Variants in RNF25 observed in about 807,000 individuals in gnomAD.
The protein encoded by RNF25 is E3 ubiquitin-protein ligase RNF25.
In RNF25, 32 loss-of-function variants were observed where a neutral mutation model predicts 65.0. That is an observed-to-expected ratio of 0.49 (90% CI 0.37 to 0.66). The LOEUF (loss-of-function observed/expected upper bound fraction) is 0.66. Among genes scored for constraint, RNF25 ranks in the 30% least tolerant of loss-of-function variants. RNF25 has a pLI of 0.00. For missense variants in RNF25, 493 were observed against 584.8 expected (o/e 0.84, Z 1.62); for synonymous variants, 207 against 221.2 (o/e 0.94, Z 0.57).
chr2:218,670,639 T>C (rs1276466748), intron 1 of RNF25, among the ~76,000 whole-genome samples: 1 of 131,004 alleles, frequency 7.6e-6, no homozygotes, highest in East Asian at 2.2e-4. Flanking sequence ...GAGCTTGCAG[T>C]GAACCGAGAT....
chr2:218,666,586 T>C (rs1939829876), intron 5 of RNF25, among the ~76,000 whole-genome samples: 1 of 152,222 alleles, frequency 6.6e-6, no homozygotes. Flanking sequence ...CCCCCTTCAA[T>C]ATCACTCCCC....
intron 1 of RNF25, among the ~76,000 whole-genome samples, chr2:218,669,966 G>A (rs1939910051): frequency 1.3e-5 from 2 of 151,954 alleles, no homozygotes; most frequent in Non-Finnish European, 2.9e-5. Context: ...TTATCCCAGC[G>A]CTTTGGGAGG....
At chr2:218,669,653 G>A (rs1939905309) in intron 1 of RNF25, among the ~76,000 whole-genome samples, 1 of 152,228 alleles carries the variant, frequency 6.6e-6, no homozygotes, top group South Asian at 2.1e-4. Flanking sequence ...ATCAGTTTGT[G>A]TCTACAGCTC....
chr2:218,668,430 A>G, intron 2 of RNF25, 89 bp from the exon 3 acceptor site: 2 of 1,058,854 alleles, frequency 1.9e-6, no homozygotes, highest in African/African-American at 1.6e-5. Context: ...AAGTGGGCAA[A>G]GGAAGTACAC....
intron 5 of RNF25, 143 bp downstream of exon 5, chr2:218,667,769 A>G (rs1163765006): frequency 2.8e-6 from 2 of 704,144 alleles, no homozygotes; most frequent in Non-Finnish European, 2.3e-6. Flanking sequence ...CAAATAGAAG[A>G]GTCTCATTTC....
chr2:218,664,436 G>A lies in RNF25; in HGVS notation c.901C>T (p.Gln301Ter). 1 of 1,614,236 alleles carries A rather than the reference G, an allele frequency of 6.2e-7. No homozygotes were observed. Among genetic ancestry groups the A allele is most frequent in the Non-Finnish European group, 8.5e-7 (1 of 1,180,048 alleles). Residue 301 changes from glutamine to a stop codon, truncating the protein, a stop_gained, in exon 10 of 10, where the codon CAA becomes TAA. Transcript: ENST00000295704. LOFTEE classifies it high-confidence loss of function. This position sits in a 1 kb window ranked among gnomAD's most constrained non-coding sequence, Gnocchi z 5.1. ...GGCAGAGGAGGTGGCAAAGTGGATTGGACGGCTGGTGAGGTGGATAGTTCT... is the reference window on the plus strand; with the variant it reads ...GGCAGAGGAGGTGGCAAAGTGGATTAGACGGCTGGTGAGGTGGATAGTTCT... ...AAELSTSPAV[Q>*]STLPPPLPVA...
chr2:218,668,224 CA>C lies in RNF25; in HGVS notation c.219+14del, dbSNP rs764679568. The C allele has an allele frequency of 3.7e-6, 6 of 1,613,388 alleles. No homozygotes were observed. Among genetic ancestry groups the C allele is most frequent in the Non-Finnish European group, 5.1e-6 (6 of 1,179,434 alleles). The stretch of plus-strand genomic sequence containing the variant: ...TCCCCTTCCTCCCTTTGCTGCCACA[CA>C]GTAGGGGCTTCACCTCTGCTGGGAC... On this transcript the variant is annotated intron_variant, in intron 3 of 9. Coordinates refer to ENST00000295704, the MANE Select transcript of RNF25 (RefSeq NM_022453.3).
intron 1 of RNF25, among the ~76,000 whole-genome samples, 178 bp from the exon 2 acceptor site, chr2:218,668,857 A>T (rs1267734107): frequency 6.6e-6 from 1 of 152,260 alleles, no homozygotes; most frequent in African/African-American, 2.4e-5. Flanking sequence ...AATAGAAGGC[A>T]TGGAAATCAG....
In RNF25 at chr2:218,664,905, G is replaced by GA; in HGVS notation, c.667-33dup. ...GGAAGAATGGCAGAGAGGAAATAAT[G>GA]AACAGCAGAAGGCTGACTCAAACCT... On this transcript the variant is annotated intron_variant, in intron 8 of 9. Transcript: ENST00000295704. This position sits in a 1 kb window ranked among gnomAD's most constrained non-coding sequence, Gnocchi z 5.1. 1 of 1,613,152 alleles carries GA rather than the reference G, an allele frequency of 6.2e-7. No individual in the cohort carries two copies. The highest frequency in any genetic ancestry group is 8.5e-7 in the Non-Finnish European group (1 of 1,179,656).
rs904846802 is a variant in RNF25, at chr2:218,664,286, C to T, written c.1051G>A (p.Glu351Lys). Residue 351 changes from glutamate (E) to lysine (K), a missense_variant, in exon 10 of 10, where the codon GAA becomes AAA. Glu to Lys is a moderately conservative substitution (Grantham distance 56, BLOSUM62 1). Transcript: ENST00000295704. The surrounding 1 kb of genome is among the most constrained non-coding windows in gnomAD (Gnocchi z 5.1). ...TCCCCTCCCTTTGGGTGCCTCCGTTCGGGCTGTCGCCAGGGACCTCGACTG... is the reference window on the plus strand; with the variant it reads ...TCCCCTCCCTTTGGGTGCCTCCGTTTGGGCTGTCGCCAGGGACCTCGACTG... The part of the protein sequence containing the change: ...KPSRGPWRQP[E>K]RRHPKGGECH... 7 of 1,609,658 alleles carry T rather than the reference C, an allele frequency of 4.3e-6. No individual in the cohort carries two copies. Among genetic ancestry groups the T allele is most frequent in the African/African-American group, 1.3e-5 (1 of 74,930 alleles).
At position 218,664,533 on chromosome 2, in the gene RNF25, A is replaced by G. The variant is rs765389256; in HGVS notation, c.804T>C (p.Pro268=). The change falls in exon 10 of 10, where the codon CCT becomes CCC. Residue 268 remains proline, a splice_region_variant and synonymous_variant. Transcript: ENST00000295704. The surrounding 1 kb of genome is among the most constrained non-coding windows in gnomAD (Gnocchi z 5.1). Reference sequence around the variant, plus strand: ...CTGACTCAGGTTCCGCAGGGGCAGGAGGCTAGAAATAAGTGACAAGATGCA... The same window carrying G: ...CTGACTCAGGTTCCGCAGGGGCAGGGGGCTAGAAATAAGTGACAAGATGCA... ...RNRYFISLQQ[P]PAPAEPESAV... is the part of the protein sequence containing the mutation. 1.3e-5 allele frequency: 21 copies of G among 1,611,016 alleles called. No homozygotes were observed. Among genetic ancestry groups the G allele is most frequent in the Non-Finnish European group, 1.7e-5 (20 of 1,178,280 alleles).
At chr2:218,670,418 G>C (rs1048698503) in intron 1 of RNF25, among the ~76,000 whole-genome samples, 4 of 151,122 alleles carry the variant, frequency 2.6e-5, no homozygotes, top group Admixed American at 6.6e-5. Flanking sequence ...GAGGGGGGCC[G>C]GGCGCGGTGG....
At position 218,664,117 on chromosome 2, in the gene RNF25, T is replaced by A. The variant is rs1331092909; in HGVS notation, c.1220A>T (p.Gln407Leu). The A allele has an allele frequency of 1.3e-6, 2 of 1,523,340 alleles. No homozygotes were observed. Among genetic ancestry groups the A allele is most frequent in the Non-Finnish European group, 8.8e-7 (1 of 1,138,148 alleles). The allele number at this position is 1,523,340 out of a possible 1,614,324, so 94.4% of individuals were successfully genotyped here. ...PPQEKGPGSWQGPPPRRTRDC... is the reference protein window; with the variant it reads ...PPQEKGPGSWLGPPPRRTRDC... ...CCGAGTCCTGCGGGGTGGGGGCCCCTGCCAGCTGCCAGGCCCCTTCTCTTG... is the reference window on the plus strand; with the variant it reads ...CCGAGTCCTGCGGGGTGGGGGCCCCAGCCAGCTGCCAGGCCCCTTCTCTTG... The change falls in exon 10 of 10, where the codon CAG becomes CTG. Residue 407 changes from glutamine (Q) to leucine (L), a missense_variant. Around this residue, in one of 3 missense-constraint regions of RNF25, gnomAD observed 351 missense variants for 400.2 expected, o/e 0.88. Transcript: ENST00000295704. This position sits in a 1 kb window ranked among gnomAD's most constrained non-coding sequence, Gnocchi z 5.1.
rs777506287 is a variant in RNF25, at chr2:218,664,824, T to C, written c.716A>G (p.Lys239Arg). Residue 239 changes from lysine to arginine, a missense_variant, in exon 9 of 10, where the codon AAG becomes AGG. By Grantham distance (26) the Lys-to-Arg change is conservative (BLOSUM62 2). Around this residue, in one of 3 missense-constraint regions of RNF25, gnomAD observed 351 missense variants for 400.2 expected, o/e 0.88. Transcript: ENST00000295704. This position sits in a 1 kb window ranked among gnomAD's most constrained non-coding sequence, Gnocchi z 5.1. ...CTCCTGCTGCCTCTGGTAGAGCCGC[T>C]TGCGTTCTTCTTGCTGGCGCAAGCT... ...AESLRQQEER[K>R]RLYQRQQERG... The C allele has an allele frequency of 5.0e-6, 8 of 1,613,812 alleles. No individual in the cohort carries two copies. Among genetic ancestry groups the C allele is most frequent in the South Asian group, 2.2e-5 (2 of 91,062 alleles).
At position 218,664,916 on chromosome 2, in the gene RNF25, G is replaced by T; in HGVS notation, c.667-43C>A. ...AGAGAGGAAATAATGAACAGCAGAA[G>T]GCTGACTCAAACCTCTACTCCTCCC... On this transcript the variant is annotated intron_variant, in intron 8 of 9. Transcript: ENST00000295704. The surrounding 1 kb of genome is among the most constrained non-coding windows in gnomAD (Gnocchi z 5.1). The T allele has an allele frequency of 6.2e-7, 1 of 1,611,874 alleles. No homozygotes were observed. Among genetic ancestry groups the T allele is most frequent in the Non-Finnish European group, 8.5e-7 (1 of 1,179,082 alleles).
Position 218,664,996 on chromosome 2 carries a change from G to A in RNF25, c.667-123C>T, listed in dbSNP as rs889304205. 2.7e-6 allele frequency: 4 copies of A among 1,485,488 alleles called. No homozygotes were observed. The African/African-American group carries it at 4.2e-5, about 16-fold the overall frequency. 92.0% of individuals were successfully genotyped at this position (1,485,488 alleles called of 1,614,324 possible). ...TGCCCCTCAGGTCTGGGCTCCCAGAGTCTTAGGCTCCCGCCAGTGGGGGAT... is the reference window on the plus strand; with the variant it reads ...TGCCCCTCAGGTCTGGGCTCCCAGAATCTTAGGCTCCCGCCAGTGGGGGAT... On this transcript the variant is annotated intron_variant, in intron 8 of 9. Coordinates refer to ENST00000295704, the MANE Select transcript of RNF25 (RefSeq NM_022453.3). This position sits in a 1 kb window ranked among gnomAD's most constrained non-coding sequence, Gnocchi z 5.1.
intron 1 of RNF25, among the ~76,000 whole-genome samples, chr2:218,670,546 A>T (rs944793988): frequency 6.6e-6 from 1 of 151,930 alleles, no homozygotes. Flanking sequence ...ATCACAAAAA[A>T]TTAGCTGGGT....
chr2:218,668,830 A>G, intron 1 of RNF25, 151 bp from the exon 2 acceptor site: 1 of 630,964 alleles, frequency 1.6e-6, no homozygotes, highest in Non-Finnish European at 2.8e-6. Context: ...ATGTTACCTT[A>G]AGTTGTCAAC....
chr2:218,666,310 C>T (rs138565642), intron 5 of RNF25, 80 bp from the exon 6 acceptor site: 183 of 1,192,072 alleles, frequency 1.5e-4, no homozygotes, highest in Non-Finnish European at 2.2e-4. Flanking sequence ...CTAGGAGTGA[C>T]TGGCTAGACT....
Sources: allele counts gnomAD v4.1 joint callset (sites outside exome capture counted in the v4.1 genomes callset), GRCh38; gene constraint gnomAD v4.1.1; regional missense constraint gnomAD v4.1.1; non-coding constraint Gnocchi (gnomAD v3.1); transcripts MANE v1.5; gene names NCBI Gene and HGNC (gene_info 2026-07-23, HGNC 2026-07-21).